SMYD3: variants seen among roughly 807,000 people sequenced by gnomAD.
SMYD3 encodes histone-lysine N-methyltransferase SMYD3.
SMYD3 carries 36 observed loss-of-function variants against 57.7 expected under a neutral mutation model. The observed-to-expected ratio is 0.62, with a 90% CI of 0.48 to 0.82. SMYD3 has a LOEUF of 0.82. SMYD3 is among the 40% of genes least tolerant of loss of function. The pLI, the probability that SMYD3 is intolerant of heterozygous loss-of-function variation, is 0.00. For synonymous variants in SMYD3, 211 were observed against 195.0 expected, an observed-to-expected ratio of 1.08 and a Z score of -0.68; for missense variants, 515 against 538.8, an observed-to-expected ratio of 0.96 and a Z score of 0.44.
At chr1:246,443,545 C>G (rs1464886081) in intron 1 of SMYD3, among the ~76,000 whole-genome samples, 1 of 152,120 alleles carries the variant, frequency 6.6e-6, no homozygotes, top group Non-Finnish European at 1.5e-5. Flanking sequence ...GAAATAAGTC[C>G]TAACTCCTTT....
chr1:246,440,092 C>A (rs1462088963), intron 1 of SMYD3, among the ~76,000 whole-genome samples: 1 of 152,102 alleles, frequency 6.6e-6, no homozygotes, highest in Non-Finnish European at 1.5e-5. Flanking sequence ...AAGTTTACAA[C>A]AATCTATTGA....
At chr1:246,088,494 C>A (rs1573003260) in intron 5 of SMYD3, among the ~76,000 whole-genome samples, 1 of 130,448 alleles carries the variant, frequency 7.7e-6, no homozygotes. Context: ...CCTGTAGTCC[C>A]AGCTACTCGG....
intron 5 of SMYD3, among the ~76,000 whole-genome samples, chr1:246,153,615 G>A (rs1260213240): frequency 6.6e-6 from 1 of 151,960 alleles, no homozygotes; most frequent in Admixed American, 6.6e-5. Flanking sequence ...CACCATGCCT[G>A]GCTAATTACT....
At chr1:246,389,800 T>G (rs572835430) in intron 1 of SMYD3, among the ~76,000 whole-genome samples, 25 of 144,634 alleles carry the variant, frequency 1.7e-4, no homozygotes, top group African/African-American at 6.4e-4. Flanking sequence ...CACCTCGAGG[T>G]TGAAGTCAGT....
intron 10 of SMYD3, among the ~76,000 whole-genome samples, chr1:245,791,838 T>C (rs189329946): frequency 5.3e-5 from 8 of 152,282 alleles, no homozygotes; most frequent in Admixed American, 3.3e-4. Context: ...TTCTTTTCTC[T>C]GGGCCACTCC....
At chr1:246,404,181 T>G (rs571887171) in intron 1 of SMYD3, among the ~76,000 whole-genome samples, 1 of 152,210 alleles carries the variant, frequency 6.6e-6, no homozygotes, top group Admixed American at 6.5e-5. Flanking sequence ...CATACCCTGG[T>G]GGCCACCGCT....
At chr1:245,986,860 C>T (rs888944378) in intron 5 of SMYD3, among the ~76,000 whole-genome samples, 4 of 152,208 alleles carry the variant, frequency 2.6e-5, no homozygotes, top group African/African-American at 9.7e-5. Flanking sequence ...TTAAAGAAAA[C>T]TGGTATAGGT....
chr1:246,223,435 G>A (rs2063285146), intron 5 of SMYD3, among the ~76,000 whole-genome samples: 1 of 152,096 alleles, frequency 6.6e-6, no homozygotes, highest in South Asian at 2.1e-4. Flanking sequence ...GAGGCAGCCT[G>A]AGTCTCCTGT....
chr1:246,424,354 A>G (rs560080292), intron 1 of SMYD3, among the ~76,000 whole-genome samples: 1 of 152,264 alleles, frequency 6.6e-6, no homozygotes, highest in East Asian at 1.9e-4. Context: ...GAAGAGATAA[A>G]ATGGAATATT....
intron 10 of SMYD3, among the ~76,000 whole-genome samples, chr1:245,829,561 C>T (rs1269631211): frequency 5.3e-5 from 8 of 151,970 alleles, no homozygotes; most frequent in Non-Finnish European, 8.8e-5. Context: ...AATTATGCAC[C>T]CACTTTGGAA....
chr1:245,798,745 G>C (rs189855544), intron 10 of SMYD3, among the ~76,000 whole-genome samples: 19 of 152,158 alleles, frequency 1.2e-4, no homozygotes, highest in Admixed American at 2.0e-4. Flanking sequence ...ACCACTCAAA[G>C]CTTAATTCCT....
chr1:245,817,471 A>G (rs1005470156), intron 10 of SMYD3, among the ~76,000 whole-genome samples: 1 of 151,524 alleles, frequency 6.6e-6, no homozygotes, highest in East Asian at 1.9e-4. Flanking sequence ...AAAACTGGAA[A>G]CTCTAAAAAG....
intron 5 of SMYD3, among the ~76,000 whole-genome samples, chr1:246,253,210 G>A (rs2063824548): frequency 6.6e-6 from 1 of 152,132 alleles, no homozygotes; most frequent in Non-Finnish European, 1.5e-5. Flanking sequence ...GGGTACAAAT[G>A]AGCCCATCAC....
At chr1:246,033,955 T>G (rs1029023890) in intron 5 of SMYD3, among the ~76,000 whole-genome samples, 3 of 152,176 alleles carry the variant, frequency 2.0e-5, no homozygotes, top group Non-Finnish European at 2.9e-5. Context: ...GAATCTATAA[T>G]TATCTCAAAA....
intron 5 of SMYD3, among the ~76,000 whole-genome samples, chr1:246,234,622 CT>C (rs1180840034): frequency 3.6e-5 from 3 of 84,376 alleles, no homozygotes; most frequent in Admixed American, 1.3e-4. Flanking sequence ...ACTGTGATGG[CT>C]ATTGGCCTAT....
chr1:246,132,511 A>G (rs946954455), intron 5 of SMYD3, among the ~76,000 whole-genome samples: 3 of 152,146 alleles, frequency 2.0e-5, no homozygotes, highest in African/African-American at 7.2e-5. Context: ...CACCTAAACA[A>G]AAGACCTAAA....
chr1:245,806,758 A>C (rs1182646920), intron 10 of SMYD3, among the ~76,000 whole-genome samples: 4 of 148,642 alleles, frequency 2.7e-5, no homozygotes, highest in Non-Finnish European at 4.5e-5. Flanking sequence ...AAAATACAAA[A>C]AATTAGCCGG....
intron 5 of SMYD3, among the ~76,000 whole-genome samples, chr1:246,151,107 G>A (rs561333465): frequency 2.6e-5 from 4 of 152,162 alleles, no homozygotes; most frequent in South Asian, 2.1e-4. Flanking sequence ...TTAGCCAGGC[G>A]CGGTGGCGGG....
chr1:245,764,433 C>A (rs116463547), intron 10 of SMYD3, among the ~76,000 whole-genome samples: 1,630 of 134,458 alleles, frequency 0.012, 28 homozygotes, highest in African/African-American at 0.041. Flanking sequence ...TGGAGCTCTG[C>A]GTTGATATTT....
Sources: gnomAD v4.1 joint callset for allele counts (sites outside exome capture counted in the v4.1 genomes callset) on GRCh38, gnomAD v4.1.1 for gene constraint, MANE v1.5 for transcripts, NCBI Gene and HGNC (gene_info 2026-07-23, HGNC 2026-07-21) for gene names.